The following TIA1 variants were observed in gnomAD, a reference collection of about 807,000 sequenced individuals.
TIA1 encodes cytotoxic granule associated RNA binding protein TIA1.
In TIA1, 23 loss-of-function variants were observed where a neutral mutation model predicts 65.9. The observed-to-expected ratio is 0.35, with a 90% CI of 0.25 to 0.49. TIA1 has a LOEUF of 0.49. Among genes scored for constraint, TIA1 ranks in the 20% least tolerant of loss-of-function variants. The probability of loss-of-function intolerance (pLI) is 0.98; values close to 1 mark genes in which losing one functional copy is unlikely to be tolerated. For missense variants in TIA1, 371 were observed against 477.9 expected, an observed-to-expected ratio of 0.78 and a Z score of 2.09; for synonymous variants, 147 against 149.4, an observed-to-expected ratio of 0.98 and a Z score of 0.12.
At chr2:70,246,073 G>A (rs1184925871) in intron 1 of TIA1, among the ~76,000 whole-genome samples, 3 of 151,982 alleles carry the variant, frequency 2.0e-5, no homozygotes, top group African/African-American at 2.4e-5. Flanking sequence ...ACAGGCATGC[G>A]CCACCATGCT....
chr2:70,237,716 T>C (rs1689620208), intron 1 of TIA1, among the ~76,000 whole-genome samples: 1 of 151,822 alleles, frequency 6.6e-6, no homozygotes. Context: ...ACACAAAAAT[T>C]AGCCGGGCGT....
intron 9 of TIA1, 38 bp downstream of exon 9, chr2:70,216,366 C>T (rs764330707): frequency 1.5e-4 from 246 of 1,591,638 alleles, no homozygotes; most frequent in Non-Finnish European, 1.8e-4. Context: ...AAGCTTTGCA[C>T]TTTAAAAATT....
intron 1 of TIA1, among the ~76,000 whole-genome samples, chr2:70,240,115 G>A (rs1439829300): frequency 6.6e-6 from 1 of 152,098 alleles, no homozygotes; most frequent in Non-Finnish European, 1.5e-5. Flanking sequence ...TTAATAAATT[G>A]CAAAGGGAAA....
At chr2:70,215,339 C>G in intron 11 of TIA1, 32 bp downstream of exon 11, 2 of 1,611,262 alleles carry the variant, frequency 1.2e-6, no homozygotes, top group Non-Finnish European at 1.7e-6. Flanking sequence ...ATTAGCCCAA[C>G]AATTACTTCT....
At chr2:70,233,628 T>C (rs1373623461) in intron 2 of TIA1, among the ~76,000 whole-genome samples, 4 of 152,054 alleles carry the variant, frequency 2.6e-5, no homozygotes, top group Non-Finnish European at 5.9e-5. Flanking sequence ...TAGCCAGGTG[T>C]GGTGGCGCAT....
At chr2:70,223,005 T>C (rs1229846657) in intron 7 of TIA1, among the ~76,000 whole-genome samples, 1 of 152,250 alleles carries the variant, frequency 6.6e-6, no homozygotes, top group African/African-American at 2.4e-5. Context: ...CCAGAGGCCA[T>C]ACACAGGTTA....
At chr2:70,248,323 T>C (rs188764305) in intron 1 of TIA1, 82 bp downstream of exon 1, 46 of 1,489,954 alleles carry the variant, frequency 3.1e-5, no homozygotes, top group Admixed American at 4.0e-5. Flanking sequence ...CGGAGAACAA[T>C]AGGCTGGGAG....
At chr2:70,224,435 G>C in intron 7 of TIA1, 119 bp downstream of exon 7, 1 of 1,381,516 alleles carries the variant, frequency 7.2e-7, no homozygotes, top group Non-Finnish European at 9.9e-7. Context: ...CTTCTAGTGA[G>C]GGTTTATTTT....
intron 7 of TIA1, among the ~76,000 whole-genome samples, chr2:70,220,420 A>G (rs1189038472): frequency 3.3e-5 from 5 of 151,954 alleles, no homozygotes; most frequent in Admixed American, 2.0e-4. Flanking sequence ...AAAAAAAAAG[A>G]TGATGATTAT....
intron 7 of TIA1, among the ~76,000 whole-genome samples, chr2:70,221,014 T>C (rs935955687): frequency 5.9e-5 from 9 of 151,318 alleles, no homozygotes; most frequent in African/African-American, 2.2e-4. Context: ...AAAATATATA[T>C]ATATATTTTT....
At chr2:70,216,621 CAT>C (rs1678743793) in intron 8 of TIA1, 122 bp from the exon 9 acceptor site, 5 of 1,287,006 alleles carry the variant, frequency 3.9e-6, no homozygotes, top group Non-Finnish European at 5.3e-6. Context: ...TTATATTACA[CAT>C]ATTATACTTC....
At chr2:70,230,994 G>C (rs902673910) in intron 2 of TIA1, 140 bp from the exon 3 acceptor site, 1 of 584,928 alleles carries the variant, frequency 1.7e-6, no homozygotes, top group African/African-American at 2.0e-5. Context: ...TATTCCACAA[G>C]TAAATTTTAG....
chr2:70,243,976 C>T (rs1437148319), intron 1 of TIA1, among the ~76,000 whole-genome samples: 2 of 152,226 alleles, frequency 1.3e-5, no homozygotes, highest in Non-Finnish European at 2.9e-5. Context: ...GTGAAACCCA[C>T]TTACAGCTTC....
At chr2:70,231,338 T>C (rs1686208926) in intron 2 of TIA1, among the ~76,000 whole-genome samples, 1 of 151,806 alleles carries the variant, frequency 6.6e-6, no homozygotes, top group African/African-American at 2.4e-5. Flanking sequence ...AGCCAGCTCC[T>C]GTAGTCCCAG....
rs1156846037 is a variant in TIA1 at position 70,236,027 on chromosome 2, A to T, written c.123+52T>A. The T allele has an allele frequency of 4.5e-6, 5 of 1,100,682 alleles. No homozygotes were observed. In the East Asian group the frequency reaches 1.2e-4, roughly 26 times the overall value. 68.2% of individuals were successfully genotyped at this position (1,100,682 alleles called of 1,614,324 possible). ...GAATTCCTTCCAAGCAATGGCTTTA[A>T]GTAATGTGTAAAAAAAAAAAGAATA... On this transcript the variant is annotated intron_variant, in intron 2 of 12. Coordinates refer to ENST00000433529, the MANE Select transcript of TIA1 (RefSeq NM_022173.4).
intron 7 of TIA1, 91 bp downstream of exon 7, chr2:70,224,463 A>T (rs1682941026): frequency 6.4e-7 from 1 of 1,556,184 alleles, no homozygotes; most frequent in African/African-American, 1.4e-5. Context: ...AGTAAAATAA[A>T]CAGCAGACGA....
chr2:70,236,065 T>A lies in TIA1; in HGVS notation c.123+14A>T. ...AAAAAAAAGAATAAAGTTAACTAAG[T>A]AAAATACCCTTACATCCATAATCAT... On this transcript the variant is annotated intron_variant, in intron 2 of 12. Transcript: ENST00000433529. The A allele has an allele frequency of 6.6e-7, 1 of 1,511,072 alleles. No homozygotes were observed. The highest frequency in any genetic ancestry group is 9.0e-7 in the Non-Finnish European group (1 of 1,105,498). 93.6% of individuals were successfully genotyped at this position (1,511,072 alleles called of 1,614,324 possible).
intron 1 of TIA1, among the ~76,000 whole-genome samples, chr2:70,239,969 T>C (rs1015916019): frequency 1.3e-5 from 2 of 152,226 alleles, no homozygotes; most frequent in African/African-American, 4.8e-5. Flanking sequence ...TGTAGAAAGA[T>C]AGTATTAAAT....
At chr2:70,222,747 C>T (rs1682057308) in intron 7 of TIA1, among the ~76,000 whole-genome samples, 1 of 152,164 alleles carries the variant, frequency 6.6e-6, no homozygotes, top group African/African-American at 2.4e-5. Flanking sequence ...AATCCTGTCT[C>T]TACTAAAAAT....
Sources: allele counts gnomAD v4.1 joint callset (sites outside exome capture counted in the v4.1 genomes callset), GRCh38; gene constraint gnomAD v4.1.1; transcripts MANE v1.5; gene names NCBI Gene and HGNC (gene_info 2026-07-23, HGNC 2026-07-21).